The following DIAPH3 variants were observed in gnomAD, a reference collection of about 807,000 sequenced individuals.
The protein encoded by DIAPH3 is diaphanous related formin 3.
Under a neutral mutation model 144.3 loss-of-function variants are expected in DIAPH3, and 117 were observed. That is an observed-to-expected ratio of 0.81 (90% CI 0.70 to 0.95). The LOEUF (loss-of-function observed/expected upper bound fraction) is 0.95. Ranked by LOEUF, DIAPH3 falls within the 40% of genes least tolerant of loss-of-function variation. The pLI is 0.00. For missense variants in DIAPH3, 1,421 were observed against 1,412.7 expected (o/e 1.01, Z -0.09); for synonymous variants, 519 against 488.9 (o/e 1.06, Z -0.81).
At chr13:59,708,755 T>C (rs1283645139) in intron 27 of DIAPH3, among the ~76,000 whole-genome samples, 1 of 152,174 alleles carries the variant, frequency 6.6e-6, no homozygotes, top group Non-Finnish European at 1.5e-5. Context: ...AATCCCCCAA[T>C]TTATATTTTC....
intron 17 of DIAPH3, among the ~76,000 whole-genome samples, chr13:59,937,917 C>T (rs1398218882): frequency 6.6e-6 from 1 of 151,956 alleles, no homozygotes; most frequent in Non-Finnish European, 1.5e-5. Context: ...GAGACAATAC[C>T]TAGGTATTTG....
chr13:60,051,762 T>C (rs1350126772), intron 4 of DIAPH3, among the ~76,000 whole-genome samples: 1 of 152,224 alleles, frequency 6.6e-6, no homozygotes, highest in Non-Finnish European at 1.5e-5. Flanking sequence ...GAACAGATTC[T>C]GGTACCTTGT....
intron 27 of DIAPH3, among the ~76,000 whole-genome samples, chr13:59,697,382 C>T (rs1248722906): frequency 7.6e-6 from 1 of 131,162 alleles, no homozygotes; most frequent in Non-Finnish European, 1.6e-5. Context: ...ATGGCGTGAA[C>T]TCGGGAGGCG....
intron 4 of DIAPH3, among the ~76,000 whole-genome samples, chr13:60,069,512 T>C (rs1188080955): frequency 6.6e-6 from 1 of 152,194 alleles, no homozygotes; most frequent in Admixed American, 6.5e-5. Flanking sequence ...TTGGTTTTGT[T>C]GCAATTGCTT....
chr13:60,006,980 A>G (rs2052911203), intron 9 of DIAPH3, among the ~76,000 whole-genome samples: 1 of 152,298 alleles, frequency 6.6e-6, no homozygotes, highest in Non-Finnish European at 1.5e-5. Flanking sequence ...AGGGTTCCTC[A>G]CTGGCTATTC....
At chr13:59,891,307 A>G (rs764788758) in intron 20 of DIAPH3, among the ~76,000 whole-genome samples, 3 of 152,066 alleles carry the variant, frequency 2.0e-5, no homozygotes, top group Non-Finnish European at 2.9e-5. Context: ...GGTAATTAGT[A>G]TGTGACTATA....
intron 4 of DIAPH3, among the ~76,000 whole-genome samples, chr13:60,061,262 G>C (rs936444801): frequency 6.6e-5 from 10 of 152,062 alleles, no homozygotes; most frequent in African/African-American, 2.2e-4. Context: ...TTATAGGAAG[G>C]GAGAGAATAG....
intron 3 of DIAPH3, among the ~76,000 whole-genome samples, chr13:60,097,319 T>C (rs1041961806): frequency 1.3e-5 from 2 of 152,192 alleles, no homozygotes; most frequent in Non-Finnish European, 2.9e-5. Context: ...AATAGATTAA[T>C]GACCTTCCTG....
At chr13:59,929,554 C>CTTTTTTTTTTTTTT (rs1167902415) in intron 17 of DIAPH3, among the ~76,000 whole-genome samples, 4 of 56,088 alleles carry the variant, frequency 7.1e-5, no homozygotes, top group Admixed American at 3.9e-4. Flanking sequence ...AAATTTTGTT[C>CTTTTTTTTTTTTTT]TTTTTTTTTT....
chr13:59,851,769 T>C (rs1268794041), intron 22 of DIAPH3, among the ~76,000 whole-genome samples: 2 of 150,704 alleles, frequency 1.3e-5, no homozygotes, highest in Non-Finnish European at 2.9e-5. Flanking sequence ...ATTACACACA[T>C]GCACCACCAC....
At chr13:59,785,434 T>C (rs1431686730) in intron 25 of DIAPH3, among the ~76,000 whole-genome samples, 1 of 152,196 alleles carries the variant, frequency 6.6e-6, no homozygotes, top group Admixed American at 6.5e-5. Context: ...CTTACTCTTA[T>C]CAGCTGTGTG....
At chr13:60,095,181 T>C (rs1299555936) in intron 3 of DIAPH3, among the ~76,000 whole-genome samples, 1 of 152,136 alleles carries the variant, frequency 6.6e-6, no homozygotes, top group Non-Finnish European at 1.5e-5. Context: ...CATCCTTAAC[T>C]AAGCCTAGAC....
chr13:60,105,568 T>C (rs2058394134), intron 3 of DIAPH3, among the ~76,000 whole-genome samples: 1 of 152,142 alleles, frequency 6.6e-6, no homozygotes, highest in Non-Finnish European at 1.5e-5. Context: ...TACTATACTC[T>C]CTCCCTCTTC....
chr13:59,907,641 A>G (rs2046805349), intron 20 of DIAPH3, among the ~76,000 whole-genome samples: 1 of 152,202 alleles, frequency 6.6e-6, no homozygotes, highest in Admixed American at 6.5e-5. Flanking sequence ...CTCATGGATA[A>G]TCAGCTCTAG....
At chr13:59,706,983 C>T (rs2034465093) in intron 27 of DIAPH3, among the ~76,000 whole-genome samples, 1 of 152,098 alleles carries the variant, frequency 6.6e-6, no homozygotes, top group East Asian at 1.9e-4. Flanking sequence ...TTGACACATG[C>T]ATATAAATGC....
intron 25 of DIAPH3, among the ~76,000 whole-genome samples, chr13:59,779,026 C>G (rs1393702707): frequency 6.6e-6 from 1 of 152,066 alleles, no homozygotes; most frequent in Non-Finnish European, 1.5e-5. Flanking sequence ...CCAATTGTAT[C>G]TCTTACTTCC....
intron 1 of DIAPH3, among the ~76,000 whole-genome samples, chr13:60,146,777 T>G (rs1951544225): frequency 6.6e-6 from 1 of 152,184 alleles, no homozygotes; most frequent in Non-Finnish European, 1.5e-5. Context: ...TTAGGTTGAT[T>G]ATCGCACCAT....
intron 22 of DIAPH3, among the ~76,000 whole-genome samples, chr13:59,860,884 A>G (rs2043539847): frequency 6.6e-6 from 1 of 152,196 alleles, no homozygotes; most frequent in Non-Finnish European, 1.5e-5. Flanking sequence ...CCCACAATTG[A>G]GACTAGAATC....
chr13:59,867,916 T>C (rs1340444238), intron 21 of DIAPH3, among the ~76,000 whole-genome samples: 2 of 152,086 alleles, frequency 1.3e-5, no homozygotes, highest in Non-Finnish European at 2.9e-5. Flanking sequence ...AATACAAATA[T>C]ATTTTTTAAA....
Sources: allele counts gnomAD v4.1 joint callset (sites outside exome capture counted in the v4.1 genomes callset), GRCh38; gene constraint gnomAD v4.1.1; transcripts MANE v1.5; gene names NCBI Gene and HGNC (gene_info 2026-07-23, HGNC 2026-07-21).